Variants in SEMA4D observed in about 807,000 individuals in gnomAD.
SEMA4D encodes semaphorin-4D.
Under a neutral mutation model 74.8 loss-of-function variants are expected in SEMA4D, and 22 were observed. That is an observed-to-expected ratio of 0.29 (90% CI 0.21 to 0.42). The LOEUF is 0.42. Ranked by LOEUF, SEMA4D falls within the 10% of genes least tolerant of loss-of-function variation. SEMA4D has a pLI of 1.00. For missense variants in SEMA4D, 937 were observed against 1,118.4 expected (o/e 0.84, Z 2.31); for synonymous variants, 445 against 463.7 (o/e 0.96, Z 0.52).
intron 1 of SEMA4D, among the ~76,000 whole-genome samples, chr9:89,458,347 CCA>C (rs1360852685): frequency 1.7e-4 from 26 of 152,264 alleles, no homozygotes; most frequent in African/African-American, 6.3e-4. Flanking sequence ...CCGATACATA[CCA>C]CAGTTGCCCA....
intron 2 of SEMA4D, among the ~76,000 whole-genome samples, chr9:89,445,831 A>G (rs552113756): frequency 6.6e-6 from 1 of 151,942 alleles, no homozygotes; most frequent in South Asian, 2.1e-4. Flanking sequence ...TCTACTTTGC[A>G]CGCCATACCC....
At chr9:89,382,462 G>A (rs1279980730) in intron 13 of SEMA4D, among the ~76,000 whole-genome samples, 1 of 152,142 alleles carries the variant, frequency 6.6e-6, no homozygotes, top group Non-Finnish European at 1.5e-5. Context: ...GCCAATACAG[G>A]AAGCCCCAGG....
intron 2 of SEMA4D, among the ~76,000 whole-genome samples, chr9:89,445,740 G>A (rs35311970): frequency 0.16 from 24,197 of 152,114 alleles, 2,405 homozygotes; most frequent in South Asian, 0.23. Context: ...TTGGGAAGCC[G>A]GGTCTTTTTG....
chr9:89,363,837 G>A lies in SEMA4D; in HGVS notation c.1996C>T (p.Gln666Ter). The stretch of plus-strand genomic sequence containing the variant: ...TCAGCGCTTTCCCTGATGGCGTCCT[G>A]CAGCCAGCTGAGTGCATGGGCCCTG... Residue 666 changes from glutamine to a stop codon, truncating the protein, a stop_gained, in exon 17 of 19, where the codon CAG (glutamine) becomes TAG (stop). Transcript: ENST00000339861. LOFTEE classifies it high-confidence loss of function. 1 of 1,614,128 alleles carries A rather than the reference G, an allele frequency of 6.2e-7. No homozygotes were observed. Among genetic ancestry groups the A allele is most frequent in the Non-Finnish European group, 8.5e-7 (1 of 1,180,038 alleles).
chr9:89,366,902 A>C (rs1833759023), intron 16 of SEMA4D, among the ~76,000 whole-genome samples: 1 of 152,134 alleles, frequency 6.6e-6, no homozygotes, highest in Non-Finnish European at 1.5e-5. Context: ...TCTCATGACC[A>C]AGCCCTTGAG....
At chr9:89,396,695 A>G (rs770603263) in intron 6 of SEMA4D, 42 bp downstream of exon 6, 11 of 1,532,536 alleles carry the variant, frequency 7.2e-6, no homozygotes, top group African/African-American at 1.4e-5. Flanking sequence ...TTAACTGCTG[A>G]CCAGGCTGGC....
At chr9:89,459,028 G>A (rs1056677026) in intron 1 of SEMA4D, among the ~76,000 whole-genome samples, 2 of 152,114 alleles carry the variant, frequency 1.3e-5, no homozygotes, top group Non-Finnish European at 2.9e-5. Context: ...CTCCCCAAGG[G>A]AGCTGCAGCC....
At chr9:89,483,480 A>G (rs771062759) in intron 1 of SEMA4D, among the ~76,000 whole-genome samples, 74 of 152,310 alleles carry the variant, frequency 4.9e-4, no homozygotes, top group Non-Finnish European at 4.1e-4. Flanking sequence ...AGAGGAGTAC[A>G]TGGTCAAAGT....
chr9:89,377,943 C>T lies in SEMA4D; in HGVS notation c.*761G>A, dbSNP rs1383888333. The T allele has an allele frequency of 6.7e-6, 1 of 149,246 alleles. No individual in the cohort carries two copies. Among genetic ancestry groups the T allele is most frequent in the Admixed American group, 6.7e-5 (1 of 14,992 alleles). 9.2% of individuals were successfully genotyped at this position (149,246 alleles called of 1,614,324 possible). On this transcript the variant is annotated 3_prime_UTR_variant, in exon 16 of 16. Coordinates refer to ENST00000422704, the MANE Select transcript of SEMA4D (RefSeq NM_001371194.2). ...TACAGAAAGAAAATCTCTCCAAAAA[C>T]AATGCTTCCCTCAAGGAATAAAGTT...
intron 2 of SEMA4D, among the ~76,000 whole-genome samples, chr9:89,420,686 G>C (rs1021331859): frequency 3.3e-5 from 5 of 152,264 alleles, no homozygotes; most frequent in African/African-American, 1.2e-4. Context: ...TCAGCACACA[G>C]AGAAGACAAG....
intron 2 of SEMA4D, among the ~76,000 whole-genome samples, chr9:89,421,310 A>C (rs757833604): frequency 6.6e-6 from 1 of 152,186 alleles, no homozygotes; most frequent in East Asian, 1.9e-4. Flanking sequence ...ACACACCTCG[A>C]TGGGGTAGGC....
At chr9:89,372,011 T>G (rs1350042952) in intron 16 of SEMA4D, among the ~76,000 whole-genome samples, 3 of 22,446 alleles carry the variant, frequency 1.3e-4, no homozygotes, top group Admixed American at 5.2e-4. Context: ...TGGGGTGTGG[T>G]GTGTGTCTGG....
chr9:89,485,481 C>T (rs1382554337), intron 1 of SEMA4D, among the ~76,000 whole-genome samples: 1 of 152,050 alleles, frequency 6.6e-6, no homozygotes, highest in African/African-American at 2.4e-5. Context: ...GGTACATGTG[C>T]CTTAAAATCT....
intron 2 of SEMA4D, among the ~76,000 whole-genome samples, chr9:89,413,009 A>G (rs1844868796): frequency 6.6e-6 from 1 of 152,216 alleles, no homozygotes. Context: ...AGTTAAATTA[A>G]AACAAAAGGA....
intron 9 of SEMA4D, among the ~76,000 whole-genome samples, chr9:89,390,184 G>A (rs1335628603): frequency 1.3e-5 from 2 of 152,200 alleles, no homozygotes; most frequent in African/African-American, 2.4e-5. Context: ...TGGCAGGGGA[G>A]GGCTCGAGTC....
chr9:89,449,138 C>T (rs998659455), intron 2 of SEMA4D, among the ~76,000 whole-genome samples: 3 of 152,158 alleles, frequency 2.0e-5, no homozygotes, highest in East Asian at 1.9e-4. Flanking sequence ...AGCACAGGCC[C>T]GGGAGCCCGG....
chr9:89,381,077 G>GA lies in SEMA4D; in HGVS notation c.1640_1641insT (p.Gly548ArgfsTer9). 6.2e-7 allele frequency: 1 copy of GA among 1,614,072 alleles called. No homozygotes were observed. Among genetic ancestry groups the GA allele is most frequent in the Non-Finnish European group, 8.5e-7 (1 of 1,180,024 alleles). Reference sequence around the variant, plus strand: ...CACCCGGGCACACAGAAGCATCGCCGCTCATCTCCTGAATCAAACCCCTGC... The same window carrying GA: ...CACCCGGGCACACAGAAGCATCGCCGACTCATCTCCTGAATCAAACCCCTGC... On this transcript the variant is annotated frameshift_variant, in exon 15 of 16. Transcript: ENST00000422704. LOFTEE classifies it low-confidence loss of function (END_TRUNC). This position sits in a 1 kb window ranked among gnomAD's most constrained non-coding sequence, Gnocchi z 4.6.
intron 1 of SEMA4D, among the ~76,000 whole-genome samples, chr9:89,476,242 A>G (rs149445630): frequency 2.0e-5 from 3 of 152,132 alleles, no homozygotes; most frequent in Non-Finnish European, 4.4e-5. Context: ...ATACACCTTG[A>G]GCAAGCTCAC....
Position 89,492,943 on chromosome 9 carries a change from C to T in SEMA4D, c.-310+4976G>A, listed in dbSNP as rs373943592. Among the ~76,000 whole-genome samples the T allele has an allele frequency of 1.7e-3, 254 of 152,354 alleles. No homozygotes were observed. The highest frequency in any genetic ancestry group is 5.8e-3 in the African/African-American group (242 of 41,584). ...TCACAACCACCCTCTCAACAAACCA[C>T]TGGCCCCTTAAGCGGCTGGACCTAG... On this transcript the variant is annotated intron_variant, in intron 1 of 15. Transcript: ENST00000422704. This position sits in a 1 kb window ranked among gnomAD's most constrained non-coding sequence, Gnocchi z 4.3.
Sources: gnomAD v4.1 joint callset for allele counts (sites outside exome capture counted in the v4.1 genomes callset) on GRCh38, gnomAD v4.1.1 for gene constraint, Gnocchi (gnomAD v3.1) non-coding constraint, MANE v1.5 for transcripts, NCBI Gene and HGNC (gene_info 2026-07-23, HGNC 2026-07-21) for gene names.